ERICH1: variants seen among roughly 807,000 people sequenced by gnomAD.
ERICH1 encodes the protein glutamate rich 1.
Under a neutral mutation model 39.6 loss-of-function variants are expected in ERICH1, and 56 were observed. The observed-to-expected ratio is 1.41, with a 90% CI of 1.14 to 1.77. The LOEUF (loss-of-function observed/expected upper bound fraction) is 1.77. ERICH1 is among the 40% of genes most tolerant of loss of function. ERICH1 has a pLI of 0.00. For synonymous variants in ERICH1, 313 were observed against 223.6 expected, an observed-to-expected ratio of 1.40 and a Z score of -3.57; for missense variants, 826 against 575.4, an observed-to-expected ratio of 1.44 and a Z score of -4.45.
chr8:698,908 T>TC (rs1811018464), intron 2 of ERICH1, among the ~76,000 whole-genome samples: 1 of 151,886 alleles, frequency 6.6e-6, no homozygotes, highest in East Asian at 2.0e-4. Flanking sequence ...AGTTTTTTTT[T>TC]TTTTTTTTTA....
At chr8:616,169 C>G in intron 3 of ERICH1, 1 of 200,232 alleles carries the variant, frequency 5.0e-6, no homozygotes, top group South Asian at 8.3e-5. Flanking sequence ...ATATTAAACT[C>G]AAGGGTACAC....
At position 656,502 on chromosome 8, in the gene ERICH1, C is replaced by G. The variant is rs1181460154; in HGVS notation, c.976+12096G>C. On this transcript the variant is annotated intron_variant, in intron 3 of 3. Coordinates refer to the ERICH1 transcript ENST00000522706. Reference sequence around the variant, plus strand: ...AGAAGTAGAGCTTTCTCCTCCTGACCTTCCCCACCTGTGCTCTGGTGCTAT... The same window carrying G: ...AGAAGTAGAGCTTTCTCCTCCTGACGTTCCCCACCTGTGCTCTGGTGCTAT... 2.0e-5 allele frequency among the ~76,000 whole-genome samples: 3 copies of G among 152,202 alleles called. No individual in the cohort carries two copies. In the East Asian group the frequency reaches 5.8e-4, roughly 29 times the overall value.
chr8:674,981 C>T (rs1159811226), intron 3 of ERICH1, among the ~76,000 whole-genome samples: 2 of 152,224 alleles, frequency 1.3e-5, no homozygotes, highest in African/African-American at 2.4e-5. Flanking sequence ...TGTTGCGGAA[C>T]AGAAGAGGTA....
chr8:698,883 A>G (rs1204448987), intron 2 of ERICH1, among the ~76,000 whole-genome samples: 3 of 146,620 alleles, frequency 2.0e-5, no homozygotes, highest in Non-Finnish European at 4.5e-5. Flanking sequence ...GTAGCATCCT[A>G]TGGTTGTCTC....
chr8:635,048 A>C (rs1397656504), intron 3 of ERICH1, among the ~76,000 whole-genome samples: 1 of 151,796 alleles, frequency 6.6e-6, no homozygotes, highest in Non-Finnish European at 1.5e-5. Flanking sequence ...GGGGTGTCCC[A>C]GGCTTTGGAC....
At chr8:639,956 C>G (rs1798806027) in intron 3 of ERICH1, among the ~76,000 whole-genome samples, 1 of 152,174 alleles carries the variant, frequency 6.6e-6, no homozygotes, top group African/African-American at 2.4e-5. Flanking sequence ...GTAAGATTCT[C>G]AAGAGACAAA....
At chr8:709,781 T>A (rs1814279064) in intron 2 of ERICH1, among the ~76,000 whole-genome samples, 1 of 152,158 alleles carries the variant, frequency 6.6e-6, no homozygotes, top group African/African-American at 2.4e-5. Context: ...AGAATGAAAC[T>A]GGCCTGGAAT....
At chr8:663,967 G>C (rs1026771162), downstream of ERICH1, among the ~76,000 whole-genome samples, 2 of 152,116 alleles carry the variant, frequency 1.3e-5, no homozygotes, top group African/African-American at 4.8e-5. Flanking sequence ...CACCGTGTTA[G>C]CCAGGATGCT....
chr8:616,679 G>C (rs765886316), intron 3 of ERICH1: 1 of 451,004 alleles, frequency 2.2e-6, no homozygotes, highest in Non-Finnish European at 4.4e-6. Context: ...GAGGCAGAGG[G>C]AGAGGAAGAC....
At chr8:716,090 A>G in intron 1 of ERICH1, 83 bp from the exon 2 acceptor site, 2 of 1,463,394 alleles carry the variant, frequency 1.4e-6, no homozygotes, top group Non-Finnish European at 9.1e-7. Flanking sequence ...CTTTTACTCT[A>G]CACAAACACA....
At chr8:674,666 C>A (rs1804262222) in intron 3 of ERICH1, among the ~76,000 whole-genome samples, 1 of 152,108 alleles carries the variant, frequency 6.6e-6, no homozygotes, top group South Asian at 2.1e-4. Flanking sequence ...GGGGGGGAAA[C>A]CCGTATTTCT....
chr8:668,306 A>C (rs1044220209), intron 5 of ERICH1: 3 of 442,358 alleles, frequency 6.8e-6, no homozygotes, highest in South Asian at 5.0e-5. Flanking sequence ...AAAGAGGAAG[A>C]AATGAATTCA....
intron 3 of ERICH1, among the ~76,000 whole-genome samples, chr8:636,951 C>T (rs12542241): frequency 0.2 from 31,135 of 152,204 alleles, 3,427 homozygotes; most frequent in Middle Eastern, 0.33. Context: ...ATTTCCCAGC[C>T]TGCACAGTCC....
intron 2 of ERICH1, among the ~76,000 whole-genome samples, chr8:705,110 A>C (rs1331321020): frequency 6.6e-6 from 1 of 152,232 alleles, no homozygotes; most frequent in Non-Finnish European, 1.5e-5. Context: ...GATCGTGTGA[A>C]GTGAACAAAT....
chr8:632,995 G>T (rs912213145), intron 3 of ERICH1, among the ~76,000 whole-genome samples: 1 of 152,238 alleles, frequency 6.6e-6, no homozygotes. Context: ...GAGACGCAGG[G>T]AGGGAGGCAG....
intron 3 of ERICH1, among the ~76,000 whole-genome samples, chr8:676,879 G>A (rs1264800143): frequency 6.6e-6 from 1 of 152,250 alleles, no homozygotes; most frequent in African/African-American, 2.4e-5. Flanking sequence ...AGATTGTGAA[G>A]AATCAAGATG....
chr8:654,878 C>A (rs1354060367), intron 3 of ERICH1, among the ~76,000 whole-genome samples: 2 of 152,196 alleles, frequency 1.3e-5, no homozygotes, highest in African/African-American at 4.8e-5. Context: ...CAGCAGGAAC[C>A]TGAGGCGGGA....
chr8:699,803 G>A lies in ERICH1; in HGVS notation c.170-7191C>T, dbSNP rs560966154. On this transcript the variant is annotated intron_variant, in intron 2 of 5. Coordinates refer to ENST00000262109, the MANE Select transcript of ERICH1 (RefSeq NM_207332.3). ...CGCACACGCGCACAGACCCGCACAC[G>A]CGCACAGATCCGCACAAGCGCACAG... Among the ~76,000 whole-genome samples the A allele has an allele frequency of 4.6e-5, 3 of 64,640 alleles. No homozygotes were observed. In the East Asian group the frequency reaches 1.4e-3, roughly 30 times the overall value. The allele number at this position is 64,640 out of a possible 152,430, so 42.4% of individuals were successfully genotyped here.
chr8:627,610 G>A (rs1427701040), intron 3 of ERICH1, among the ~76,000 whole-genome samples: 1 of 152,216 alleles, frequency 6.6e-6, no homozygotes, highest in African/African-American at 2.4e-5. Flanking sequence ...CAAGCACCTT[G>A]TCCTGTCCAT....
Sources: allele counts gnomAD v4.1 joint callset (sites outside exome capture counted in the v4.1 genomes callset), GRCh38; gene constraint gnomAD v4.1.1; transcripts MANE v1.5; gene names NCBI Gene and HGNC (gene_info 2026-07-23, HGNC 2026-07-21).